The following GPC6 variants were observed in gnomAD, a reference collection of about 807,000 sequenced individuals.
GPC6 encodes the protein glypican 6, also known as glypican-6.
A neutral mutation model predicts 55.2 loss-of-function variants in GPC6; 14 were observed. That is an observed-to-expected ratio of 0.25 (90% confidence interval 0.17 to 0.40). The LOEUF (loss-of-function observed/expected upper bound fraction) is 0.40. Among genes scored for constraint, GPC6 ranks in the 10% least tolerant of loss-of-function variants. The probability of loss-of-function intolerance (pLI) is 1.00; values close to 1 mark genes in which losing one functional copy is unlikely to be tolerated. For synonymous variants in GPC6, 278 were observed against 259.6 expected (o/e 1.07, Z -0.68); for missense variants, 641 against 708.5 (o/e 0.90, Z 1.08).
At chr13:93,529,603 C>T (rs1008962364) in intron 1 of GPC6, among the ~76,000 whole-genome samples, 4 of 147,098 alleles carry the variant, frequency 2.7e-5, no homozygotes, top group African/African-American at 1.1e-4. Flanking sequence ...GCAACCTCCA[C>T]CTCCCTGGTT....
At chr13:93,909,764 G>A (rs1876863915) in intron 3 of GPC6, among the ~76,000 whole-genome samples, 1 of 152,106 alleles carries the variant, frequency 6.6e-6, no homozygotes, top group South Asian at 2.1e-4. Flanking sequence ...TATTTGAGAA[G>A]CAATTATAAA....
rs1479827804 is a variant in GPC6 at position 93,494,368 on chromosome 13, T to G, written c.161-50895T>G. 1.4e-4 allele frequency among the ~76,000 whole-genome samples: 21 copies of G among 147,400 alleles called. No homozygotes were observed. In the East Asian group the frequency reaches 4.3e-3, roughly 30 times the overall value. On this transcript the variant is annotated intron_variant, in intron 1 of 8. Transcript: ENST00000377047. ...AACCCCTGCCTTTTTTTGTTTTCCA[T>G]TTGCTTGGTAGATCTTCCTCCATCC...
intron 4 of GPC6, among the ~76,000 whole-genome samples, chr13:94,228,404 TGAAGAA>T (rs200302365): frequency 0.013 from 2,033 of 152,296 alleles, 24 homozygotes; most frequent in Non-Finnish European, 0.021. Flanking sequence ...TGAAACTTTA[TGAAGAA>T]GAAGATGTTT....
At chr13:93,231,352 T>TAC (rs1176411722) in intron 1 of GPC6, among the ~76,000 whole-genome samples, 4 of 30,726 alleles carry the variant, frequency 1.3e-4, no homozygotes, top group East Asian at 1.1e-3. Flanking sequence ...TATACATATA[T>TAC]ATATATACGT....
chr13:94,079,211 T>C (rs911528864), intron 4 of GPC6, among the ~76,000 whole-genome samples: 6 of 152,058 alleles, frequency 3.9e-5, no homozygotes, highest in Admixed American at 6.6e-5. Context: ...GATTTTTATA[T>C]TTCACGGATC....
chr13:93,752,602 T>A (rs1459756729), intron 2 of GPC6, among the ~76,000 whole-genome samples: 2 of 152,132 alleles, frequency 1.3e-5, no homozygotes, highest in African/African-American at 4.8e-5. Context: ...TTTGATTACT[T>A]GGCTGTTGAG....
chr13:94,259,870 T>C (rs1458704760), intron 4 of GPC6, among the ~76,000 whole-genome samples: 1 of 152,200 alleles, frequency 6.6e-6, no homozygotes, highest in East Asian at 1.9e-4. Flanking sequence ...AATAATACTC[T>C]ATTGTGTGTA....
intron 2 of GPC6, among the ~76,000 whole-genome samples, chr13:93,824,243 T>C (rs1887156043): frequency 6.6e-6 from 1 of 152,216 alleles, no homozygotes; most frequent in Non-Finnish European, 1.5e-5. Context: ...AAGGATGCCA[T>C]AGTCTTGCAT....
intron 4 of GPC6, among the ~76,000 whole-genome samples, chr13:94,229,476 C>T (rs1890655027): frequency 6.6e-6 from 1 of 152,152 alleles, no homozygotes; most frequent in Admixed American, 6.6e-5. Flanking sequence ...AGCATAATAA[C>T]CACTTGAAAC....
intron 1 of GPC6, among the ~76,000 whole-genome samples, chr13:93,317,363 A>AT (rs765799053): frequency 2.0e-5 from 3 of 152,172 alleles, no homozygotes; most frequent in Middle Eastern, 3.4e-3. Context: ...ACAACCAGAG[A>AT]TTTGACGAAA....
chr13:94,034,878 T>A (rs962693195), intron 4 of GPC6, among the ~76,000 whole-genome samples: 5 of 151,118 alleles, frequency 3.3e-5, no homozygotes, highest in African/African-American at 1.2e-4. Flanking sequence ...AGCAAAATAT[T>A]TCATGTATAA....
chr13:93,895,544 T>C (rs573726625), intron 3 of GPC6, among the ~76,000 whole-genome samples: 2 of 151,910 alleles, frequency 1.3e-5, no homozygotes, highest in Non-Finnish European at 2.9e-5. Context: ...TTTCTTCCTT[T>C]GGTATTTCTT....
At chr13:93,556,971 T>C (rs1340276225) in intron 2 of GPC6, among the ~76,000 whole-genome samples, 1 of 152,196 alleles carries the variant, frequency 6.6e-6, no homozygotes, top group African/African-American at 2.4e-5. Context: ...GTATGGTTAT[T>C]GTAGAAAACT....
chr13:93,259,674 T>G (rs1182827084), intron 1 of GPC6, among the ~76,000 whole-genome samples: 2 of 152,140 alleles, frequency 1.3e-5, no homozygotes, highest in Non-Finnish European at 2.9e-5. Flanking sequence ...GTAGGAGACA[T>G]CCATCTCATC....
At chr13:93,510,428 T>C (rs1269206693) in intron 1 of GPC6, among the ~76,000 whole-genome samples, 3 of 152,164 alleles carry the variant, frequency 2.0e-5, no homozygotes, top group Non-Finnish European at 4.4e-5. Flanking sequence ...TTTGTCTTTT[T>C]TGTGCCTGGC....
At chr13:93,825,855 A>ATTTTCTTTTTTTTTTTTTTTTTTTT (rs1445978069) in intron 2 of GPC6, among the ~76,000 whole-genome samples, 7 of 114,648 alleles carry the variant, frequency 6.1e-5, no homozygotes, top group Non-Finnish European at 1.3e-4. Flanking sequence ...TTATTTTATT[A>ATTTTCTTTTTTTTTTTTTTTTTTTT]TTTTCTTTTT....
intron 6 of GPC6, among the ~76,000 whole-genome samples, chr13:94,371,258 T>C (rs185658831): frequency 2.6e-4 from 40 of 152,278 alleles, no homozygotes; most frequent in African/African-American, 9.1e-4. Context: ...TAATTCCTCT[T>C]GTATTTTTAT....
At chr13:94,156,183 T>C (rs1887930096) in intron 4 of GPC6, among the ~76,000 whole-genome samples, 1 of 152,060 alleles carries the variant, frequency 6.6e-6, no homozygotes, top group Admixed American at 6.6e-5. Flanking sequence ...CAGGGTAAAC[T>C]TAAGTAAGAT....
intron 1 of GPC6, among the ~76,000 whole-genome samples, chr13:93,528,992 C>T (rs952010084): frequency 6.6e-6 from 1 of 152,078 alleles, no homozygotes; most frequent in Non-Finnish European, 1.5e-5. Flanking sequence ...TCACAGTCCA[C>T]ATACTGTGGA....
Sources: gnomAD v4.1 joint callset for allele counts (sites outside exome capture counted in the v4.1 genomes callset) on GRCh38, gnomAD v4.1.1 for gene constraint, MANE v1.5 for transcripts, NCBI Gene and HGNC (gene_info 2026-07-23, HGNC 2026-07-21) for gene names.